NCAPD3: variants seen among roughly 807,000 people sequenced by gnomAD.
NCAPD3 encodes the protein condensin-2 complex subunit D3.
Under a neutral mutation model 182.9 loss-of-function variants are expected in NCAPD3, and 105 were observed. The ratio of observed to expected loss-of-function variants is 0.57; its 90% confidence interval spans 0.49 to 0.68. NCAPD3 has a LOEUF of 0.68. Among genes scored for constraint, NCAPD3 ranks in the 30% least tolerant of loss-of-function variants. NCAPD3 has a pLI of 0.00. For synonymous variants in NCAPD3, 815 were observed against 679.9 expected, an observed-to-expected ratio of 1.20 and a Z score of -3.09; for missense variants, 1,944 against 1,837.0, an observed-to-expected ratio of 1.06 and a Z score of -1.07.
intron 27 of NCAPD3, among the ~76,000 whole-genome samples, chr11:134,164,869 C>T (rs1414279642): frequency 6.8e-6 from 1 of 146,860 alleles, no homozygotes; most frequent in African/African-American, 2.5e-5. Flanking sequence ...CTTGAGGGAG[C>T]TACATACTCA....
chr11:134,181,895 G>A (rs1224244700), intron 19 of NCAPD3, among the ~76,000 whole-genome samples: 1 of 152,098 alleles, frequency 6.6e-6, no homozygotes, highest in Non-Finnish European at 1.5e-5. Flanking sequence ...TGATGTGCAC[G>A]CACCTCCCCC....
At chr11:134,177,097 A>G in intron 23 of NCAPD3, 122 bp downstream of exon 23, 1 of 748,506 alleles carries the variant, frequency 1.3e-6, no homozygotes, top group Non-Finnish European at 2.3e-6. Flanking sequence ...TCCAGACCAG[A>G]GATGAGACAA....
At position 134,168,540 on chromosome 11, in the gene NCAPD3, T is replaced by C. The variant is rs142491773; in HGVS notation, c.3302A>G (p.Lys1101Arg). The C allele has an allele frequency of 4.3e-6, 7 of 1,614,058 alleles. No homozygotes were observed. The highest frequency in any genetic ancestry group is 1.3e-5 in the African/African-American group (1 of 74,914). ...SNKERRMKIY[K>R]FLLEHFTDEQ... ...ATCTGTGAAGTGCTCTAGAAGAAAT[T>C]TGTAGATTTTCATTCGTCTCTCTTT... Residue 1101 changes from lysine (K) to arginine (R), a missense_variant, in exon 26 of 35, where the codon AAA becomes AGA. Lys to Arg is a conservative substitution (Grantham distance 26). Coordinates refer to ENST00000534548, the MANE Select transcript of NCAPD3 (RefSeq NM_015261.3).
At chr11:134,182,621 C>G (rs1591840672) in intron 19 of NCAPD3, among the ~76,000 whole-genome samples, 2 of 152,266 alleles carry the variant, frequency 1.3e-5, no homozygotes, top group African/African-American at 4.8e-5. Context: ...AACTATCAGC[C>G]AGCACACAGG....
intron 24 of NCAPD3, among the ~76,000 whole-genome samples, chr11:134,170,480 G>A (rs1455731122): frequency 6.6e-6 from 1 of 152,202 alleles, no homozygotes; most frequent in Non-Finnish European, 1.5e-5. Flanking sequence ...ATCTTCTGTG[G>A]TATTTTATTA....
At chr11:134,208,710 G>A (rs1039940532) in intron 7 of NCAPD3, among the ~76,000 whole-genome samples, 154 bp downstream of exon 7, 1 of 152,156 alleles carries the variant, frequency 6.6e-6, no homozygotes, top group Non-Finnish European at 1.5e-5. Context: ...AATAGAAATA[G>A]TGATACTTTT....
intron 19 of NCAPD3, among the ~76,000 whole-genome samples, chr11:134,181,868 A>G (rs1384685041): frequency 1.3e-5 from 2 of 152,116 alleles, no homozygotes; most frequent in African/African-American, 4.8e-5. Flanking sequence ...TGATGACATT[A>G]TGTTGAAATT....
intron 32 of NCAPD3, among the ~76,000 whole-genome samples, chr11:134,155,734 T>C (rs1943400512): frequency 6.6e-6 from 1 of 152,132 alleles, no homozygotes; most frequent in Non-Finnish European, 1.5e-5. Context: ...TTGGCACTCC[T>C]GAGCCAGGAA....
In NCAPD3 at chr11:134,194,745, AG is replaced by A. The variant is rs1944591126; in HGVS notation, c.1616-8del. ...ATTGCCATGACACATCTTTCTGTAG[AG>A]GGAATACCAAAGGGTCATCACAGCT... On this transcript the variant is annotated splice_region_variant and splice_polypyrimidine_tract_variant and intron_variant, in intron 13 of 34. Coordinates refer to ENST00000534548, the MANE Select transcript of NCAPD3 (RefSeq NM_015261.3). The A allele has an allele frequency of 6.3e-7, 1 of 1,592,048 alleles. No individual in the cohort carries two copies. The highest frequency in any genetic ancestry group is 8.6e-7 in the Non-Finnish European group (1 of 1,167,640).
At chr11:134,155,901 A>G (rs1256842884) in intron 32 of NCAPD3, among the ~76,000 whole-genome samples, 1 of 152,166 alleles carries the variant, frequency 6.6e-6, no homozygotes, top group Non-Finnish European at 1.5e-5. Flanking sequence ...GGGGACCTGG[A>G]TGAAAATTAC....
chr11:134,211,425 A>G (rs1298268175), intron 3 of NCAPD3, among the ~76,000 whole-genome samples: 1 of 152,220 alleles, frequency 6.6e-6, no homozygotes, highest in Non-Finnish European at 1.5e-5. Flanking sequence ...AGGTGGGCAG[A>G]TCACTTGAGT....
chr11:134,211,478 T>C (rs1937829174), intron 3 of NCAPD3, among the ~76,000 whole-genome samples: 1 of 151,956 alleles, frequency 6.6e-6, no homozygotes, highest in South Asian at 2.1e-4. Flanking sequence ...CAAAACCCTG[T>C]CTTTACAAAA....
chr11:134,213,509 G>A (rs1047115046), intron 3 of NCAPD3, among the ~76,000 whole-genome samples: 2 of 151,746 alleles, frequency 1.3e-5, no homozygotes, highest in Non-Finnish European at 2.9e-5. Context: ...GTAGAGACGG[G>A]GTTTCACCAT....
intron 7 of NCAPD3, among the ~76,000 whole-genome samples, chr11:134,207,902 G>A (rs941068352): frequency 2.0e-5 from 3 of 152,166 alleles, no homozygotes; most frequent in Non-Finnish European, 4.4e-5. Flanking sequence ...GCACACAGAA[G>A]TGATAAAGAT....
At chr11:134,220,514 G>C in intron 2 of NCAPD3, 58 bp downstream of exon 2, 1 of 1,504,222 alleles carries the variant, frequency 6.6e-7, no homozygotes, top group Non-Finnish European at 9.2e-7. Context: ...TTATAATAAT[G>C]ACTTTCATCT....
upstream of NCAPD3, chr11:134,224,057 G>T: frequency 2.7e-6 from 3 of 1,125,186 alleles, no homozygotes; most frequent in South Asian, 2.9e-5. Flanking sequence ...GCGCCGAGCC[G>T]TTTCCATTCG....
At chr11:134,154,359 G>C (rs988039884) in intron 32 of NCAPD3, among the ~76,000 whole-genome samples, 11 of 152,202 alleles carry the variant, frequency 7.2e-5, no homozygotes, top group South Asian at 4.1e-4. Context: ...GTCTCAGCTG[G>C]TCCCAAGCTG....
At chr11:134,177,093 C>T (rs963687127) in intron 23 of NCAPD3, 126 bp downstream of exon 23, 2 of 731,514 alleles carry the variant, frequency 2.7e-6, no homozygotes, top group African/African-American at 3.5e-5. Context: ...AAACTCCAGA[C>T]CAGAGATGAG....
rs558280763 is a variant in NCAPD3 at position 134,189,647 on chromosome 11, C to CTA, written c.2045+3041_2045+3042insTA. Among the ~76,000 whole-genome samples the CTA allele has an allele frequency of 4.2e-3, 637 of 152,240 alleles. 5 individuals are homozygous for CTA. The highest frequency in any genetic ancestry group is 0.015 in the African/African-American group (610 of 41,532). On this transcript the variant is annotated intron_variant, in intron 16 of 34. Coordinates refer to ENST00000534548, the MANE Select transcript of NCAPD3 (RefSeq NM_015261.3). ...GAATTGTTGATATTTAAGATTGACT[C>CTA]TGAAGTTGTACATAATCAATTTTTA...
Sources: allele counts gnomAD v4.1 joint callset (sites outside exome capture counted in the v4.1 genomes callset), GRCh38; gene constraint gnomAD v4.1.1; transcripts MANE v1.5; gene names NCBI Gene and HGNC (gene_info 2026-07-23, HGNC 2026-07-21).